RAP1GDS1: variants seen among roughly 807,000 people sequenced by gnomAD.
RAP1GDS1 encodes Rap1 GTPase-GDP dissociation stimulator 1.
Under a neutral mutation model 71.1 loss-of-function variants are expected in RAP1GDS1, and 35 were observed. The observed-to-expected ratio is 0.49, with a 90% CI of 0.38 to 0.65. RAP1GDS1 has a LOEUF of 0.65. Ranked by LOEUF, RAP1GDS1 falls within the 30% of genes least tolerant of loss-of-function variation. The pLI is 0.00. For synonymous variants in RAP1GDS1, 229 were observed against 243.1 expected (o/e 0.94, Z 0.54); for missense variants, 663 against 706.1 (o/e 0.94, Z 0.69).
intron 12 of RAP1GDS1, among the ~76,000 whole-genome samples, chr4:98,424,182 C>T (rs147953825): frequency 6.6e-6 from 1 of 152,168 alleles, no homozygotes; most frequent in East Asian, 1.9e-4. Context: ...CAAAATAAAA[C>T]ACTATAGGAA....
At chr4:98,292,460 C>T (rs1435004964) in intron 1 of RAP1GDS1, among the ~76,000 whole-genome samples, 3 of 151,692 alleles carry the variant, frequency 2.0e-5, no homozygotes, top group African/African-American at 7.3e-5. Context: ...TAAAACAATG[C>T]CTTATGTAAG....
intron 13 of RAP1GDS1, among the ~76,000 whole-genome samples, chr4:98,435,639 G>A (rs899552342): frequency 7.2e-5 from 11 of 152,052 alleles, no homozygotes; most frequent in Middle Eastern, 3.4e-3. Context: ...AACTTACGTT[G>A]TTCAAGGGTC....
In RAP1GDS1 at chr4:98,353,783, T is replaced by C. The variant is rs1737552875; in HGVS notation, c.361+1182T>C. Among the ~76,000 whole-genome samples, 3 of 152,302 alleles carry C rather than the reference T, an allele frequency of 2.0e-5. No homozygotes were observed. The South Asian group carries it at 6.2e-4, about 32-fold the overall frequency. Reference sequence around the variant, plus strand: ...TCCAGTTCTTTTTATCATAGGGTATTAGCTTTATTTACAAAATTCTGTTGC... The same window carrying C: ...TCCAGTTCTTTTTATCATAGGGTATCAGCTTTATTTACAAAATTCTGTTGC... On this transcript the variant is annotated intron_variant, in intron 4 of 14. Transcript: ENST00000408927.
intron 4 of RAP1GDS1, among the ~76,000 whole-genome samples, chr4:98,354,067 T>A (rs1368761469): frequency 6.7e-6 from 1 of 150,038 alleles, no homozygotes; most frequent in African/African-American, 2.4e-5. Flanking sequence ...TTTTTTTTTT[T>A]TTTTTTGAGA....
At chr4:98,366,131 A>G (rs1739450866) in intron 4 of RAP1GDS1, among the ~76,000 whole-genome samples, 1 of 152,144 alleles carries the variant, frequency 6.6e-6, no homozygotes, top group Non-Finnish European at 1.5e-5. Context: ...CCTCACCCAA[A>G]TCTCATCTTG....
chr4:98,267,456 G>A (rs757065543), intron 1 of RAP1GDS1, among the ~76,000 whole-genome samples: 2 of 152,092 alleles, frequency 1.3e-5, no homozygotes, highest in African/African-American at 2.4e-5. Flanking sequence ...TAGTGTGCAT[G>A]GTACCCAGTG....
intron 2 of RAP1GDS1, among the ~76,000 whole-genome samples, chr4:98,317,211 A>G (rs1307927082): frequency 2.0e-5 from 3 of 152,148 alleles, no homozygotes; most frequent in African/African-American, 7.2e-5. Flanking sequence ...CTCTTATCTT[A>G]GAACATCTTG....
intron 2 of RAP1GDS1, among the ~76,000 whole-genome samples, chr4:98,324,304 A>G (rs1371526777): frequency 1.3e-5 from 2 of 151,976 alleles, no homozygotes; most frequent in Non-Finnish European, 2.9e-5. Flanking sequence ...TTCCATGCTC[A>G]TGGGTAGGAA....
At position 98,404,542 on chromosome 4, in the gene RAP1GDS1, C is replaced by G; in HGVS notation, c.703C>G (p.Gln235Glu). The G allele has an allele frequency of 6.2e-7, 1 of 1,607,146 alleles. No homozygotes were observed. The highest frequency in any genetic ancestry group is 8.5e-7 in the Non-Finnish European group (1 of 1,177,078). The change falls in exon 7 of 15, where the codon CAA (glutamine) becomes GAA (glutamate). Residue 235 changes from glutamine (Q) to glutamate (E), a missense_variant. Coordinates refer to ENST00000408927, the MANE Select transcript of RAP1GDS1 (RefSeq NM_001100427.2). ...AGAGCTAGTAAAACTCTTCAAGAAA[C>G]AAATAGAACATGATAAGAGAGAAAT... ...AEELVKLFKK[Q>E]IEHDKREMIF... is the part of the protein sequence containing the mutation.
intron 4 of RAP1GDS1, among the ~76,000 whole-genome samples, chr4:98,373,146 A>G (rs1740648065): frequency 6.6e-6 from 1 of 152,204 alleles, no homozygotes. Context: ...TTTTTTGCAT[A>G]ACAGGTTTAT....
intron 1 of RAP1GDS1, among the ~76,000 whole-genome samples, chr4:98,272,544 A>G (rs972849934): frequency 1.3e-5 from 2 of 152,116 alleles, no homozygotes; most frequent in African/African-American, 4.8e-5. Flanking sequence ...ATGGAGAAGA[A>G]TTGGGCCCTT....
At chr4:98,412,917 G>A (rs981335971) in intron 7 of RAP1GDS1, among the ~76,000 whole-genome samples, 1 of 152,088 alleles carries the variant, frequency 6.6e-6, no homozygotes, top group Non-Finnish European at 1.5e-5. Context: ...CAAGGCAAGG[G>A]CAAAGCAAAG....
At chr4:98,267,557 C>A (rs1007978374) in intron 1 of RAP1GDS1, among the ~76,000 whole-genome samples, 1 of 152,050 alleles carries the variant, frequency 6.6e-6, no homozygotes, top group Non-Finnish European at 1.5e-5. Context: ...ATATGTACAC[C>A]CAGTGCTTAG....
At chr4:98,328,582 T>G (rs533963074) in intron 2 of RAP1GDS1, among the ~76,000 whole-genome samples, 1 of 152,344 alleles carries the variant, frequency 6.6e-6, no homozygotes, top group African/African-American at 2.4e-5. Context: ...TACAGGTAGA[T>G]AAGAACTATT....
intron 2 of RAP1GDS1, among the ~76,000 whole-genome samples, chr4:98,311,034 C>CT (rs1234834405): frequency 6.6e-6 from 1 of 152,160 alleles, no homozygotes; most frequent in Non-Finnish European, 1.5e-5. Context: ...TCCCCAGAGA[C>CT]TCTGATTCAG....
chr4:98,327,298 C>T (rs1004298061), intron 2 of RAP1GDS1, among the ~76,000 whole-genome samples: 2 of 152,036 alleles, frequency 1.3e-5, no homozygotes, highest in Admixed American at 1.3e-4. Flanking sequence ...CAGGGAAGTA[C>T]AGGAAAACAA....
intron 2 of RAP1GDS1, among the ~76,000 whole-genome samples, chr4:98,338,157 A>G (rs1189165222): frequency 6.6e-6 from 1 of 152,120 alleles, no homozygotes; most frequent in African/African-American, 2.4e-5. Context: ...TATGGGACCT[A>G]TGTTCTGATT....
intron 3 of RAP1GDS1, among the ~76,000 whole-genome samples, chr4:98,350,943 C>T (rs1737093179): frequency 1.3e-5 from 2 of 152,040 alleles, no homozygotes; most frequent in Non-Finnish European, 2.9e-5. Flanking sequence ...CTCAGGAGTT[C>T]GAGGCTACAG....
intron 1 of RAP1GDS1, among the ~76,000 whole-genome samples, chr4:98,273,811 T>C (rs1357044018): frequency 6.6e-6 from 1 of 152,170 alleles, no homozygotes; most frequent in African/African-American, 2.4e-5. Flanking sequence ...TTTCTTGATA[T>C]TTGCTATTTA....
Sources: allele counts gnomAD v4.1 joint callset (sites outside exome capture counted in the v4.1 genomes callset), GRCh38; gene constraint gnomAD v4.1.1; transcripts MANE v1.5; gene names NCBI Gene and HGNC (gene_info 2026-07-23, HGNC 2026-07-21).